Variants in IQSEC3 observed in about 807,000 individuals in gnomAD.
The protein encoded by IQSEC3 is IQ motif and Sec7 domain ArfGEF 3, also known as IQ motif and SEC7 domain-containing protein 3.
A neutral mutation model predicts 105.4 loss-of-function variants in IQSEC3; 50 were observed. The ratio of observed to expected loss-of-function variants is 0.47; its 90% CI spans 0.38 to 0.60. IQSEC3 has a LOEUF of 0.60. Among genes scored for constraint, IQSEC3 ranks in the 20% least tolerant of loss-of-function variants. The pLI, the probability that IQSEC3 is intolerant of heterozygous loss-of-function variation, is 0.00. For synonymous variants in IQSEC3, 708 were observed against 746.0 expected (o/e 0.95, Z 0.83); for missense variants, 1,415 against 1,630.0 (o/e 0.87, Z 2.27).
chr12:125,675 C>T lies in IQSEC3; in HGVS notation c.666C>T (p.Ser222=), dbSNP rs367775832. 5.0e-5 allele frequency: 77 copies of T among 1,540,200 alleles called. No individual in the cohort carries two copies. Among genetic ancestry groups the T allele is most frequent in the Non-Finnish European group, 6.2e-5 (72 of 1,154,844 alleles). The change falls in exon 3 of 14, where the codon TCC becomes TCT. Residue 222 remains serine (S), a synonymous_variant. Transcript: ENST00000538872. ...CTQAGGGMED[S]VVAAAAVAAG... ...AGGCCGGTGGGGGCATGGAGGACTCCGTGGTGGCAGCGGCGGCGGTGGCAG... is the reference window on the plus strand; with the variant it reads ...AGGCCGGTGGGGGCATGGAGGACTCTGTGGTGGCAGCGGCGGCGGTGGCAG...
intron 1 of IQSEC3, among the ~76,000 whole-genome samples, chr12:75,694 T>A (rs1397616034): frequency 6.6e-6 from 1 of 152,254 alleles, no homozygotes; most frequent in Non-Finnish European, 1.5e-5. Context: ...ACTCAACACC[T>A]AGAAGGTGCA....
chr12:70,578 T>C (rs1863275126), intron 1 of IQSEC3, among the ~76,000 whole-genome samples: 1 of 152,282 alleles, frequency 6.6e-6, no homozygotes, highest in South Asian at 2.1e-4. Flanking sequence ...GCTCACGGCA[T>C]CTACAGAATT....
At chr12:162,157 C>CT in intron 8 of IQSEC3, 92 bp downstream of exon 8, 1 of 1,404,204 alleles carries the variant, frequency 7.1e-7, no homozygotes, top group South Asian at 1.3e-5. Context: ...TTCCAAAACT[C>CT]TTTTTTCATA....
In IQSEC3 at chr12:171,127, C is replaced by T. The variant is rs782068628; in HGVS notation, c.3080C>T (p.Ala1027Val). ...GCATTCAAAGCCAAAAGGGAAGCCGCGCTCAGGGAGAGGCCGGCGGAGAGC... is the reference window on the plus strand; with the variant it reads ...GCATTCAAAGCCAAAAGGGAAGCCGTGCTCAGGGAGAGGCCGGCGGAGAGC... ...QGSPTAKREA[A>V]LRERPAESTV... The change falls in exon 13 of 14, where the codon GCG becomes GTG. Residue 1027 changes from alanine to valine, a missense_variant. By Grantham distance (64) the Ala-to-Val change is moderately conservative (BLOSUM62 0). Transcript: ENST00000538872. 18 of 1,613,946 alleles carry T rather than the reference C, an allele frequency of 1.1e-5. No homozygotes were observed. The highest frequency in any genetic ancestry group is 1.4e-5 in the Non-Finnish European group (17 of 1,179,996).
chr12:86,292 C>A (rs545066358), intron 1 of IQSEC3, among the ~76,000 whole-genome samples: 1 of 152,214 alleles, frequency 6.6e-6, no homozygotes, highest in African/African-American at 2.4e-5. Flanking sequence ...GAAGGCTGGG[C>A]AGATTCTGGA....
chr12:116,557 T>G lies in IQSEC3; in HGVS notation c.624-9076T>G, dbSNP rs186140132. Among the ~76,000 whole-genome samples, 46 of 152,296 alleles carry G rather than the reference T, an allele frequency of 3.0e-4. No homozygotes were observed. In the East Asian group the frequency reaches 5.0e-3, roughly 17 times the overall value. ...GGCTTAAGGAGTAACTCCATTTTGT[T>G]TTCTAAAAGTCTTCCTTGCTGTAAT... is the stretch of plus-strand genomic sequence containing the variant. On this transcript the variant is annotated intron_variant, in intron 2 of 13. Coordinates refer to ENST00000538872, the MANE Select transcript of IQSEC3 (RefSeq NM_001170738.2).
chr12:94,721 G>A (rs1864193291), intron 1 of IQSEC3, among the ~76,000 whole-genome samples: 1 of 152,244 alleles, frequency 6.6e-6, no homozygotes, highest in Non-Finnish European at 1.5e-5. Flanking sequence ...TCAGTGTCTG[G>A]ACAGACGAGT....
At chr12:124,732 G>C (rs1555082698) in intron 2 of IQSEC3, among the ~76,000 whole-genome samples, 1 of 152,226 alleles carries the variant, frequency 6.6e-6, no homozygotes, top group East Asian at 1.9e-4. Flanking sequence ...TCATGGAGGA[G>C]GTGGCTTAGC....
At position 169,064 on chromosome 12, in the gene IQSEC3, G is replaced by A; in HGVS notation, c.3023G>A (p.Gly1008Glu). Residue 1008 changes from glycine (G) to glutamate (E), a missense_variant, in exon 12 of 14, where the codon GGA (glycine) becomes GAA (glutamate). By Grantham distance (98) the Gly-to-Glu change is moderately conservative. Transcript: ENST00000538872. Reference sequence around the variant, plus strand: ...AAGACACTCTCCTTCAAGCCCTGCGGAGCCCAGGGGGACCCACAGTCAAAG... The same window carrying A: ...AAGACACTCTCCTTCAAGCCCTGCGAAGCCCAGGGGGACCCACAGTCAAAG... ...GTKTLSFKPCGAQGDPQSKQG... is the reference protein window; with the variant it reads ...GTKTLSFKPCEAQGDPQSKQG... 1 of 1,614,048 alleles carries A rather than the reference G, an allele frequency of 6.2e-7. No homozygotes were observed. Among genetic ancestry groups the A allele is most frequent in the African/African-American group, 1.3e-5 (1 of 75,048 alleles).
chr12:156,408 T>C (rs1866687126), intron 5 of IQSEC3, among the ~76,000 whole-genome samples: 1 of 151,796 alleles, frequency 6.6e-6, no homozygotes, highest in Admixed American at 6.5e-5. Flanking sequence ...ACATTTGTCA[T>C]TTACTCTTAG....
chr12:155,229 T>TC lies in IQSEC3; in HGVS notation c.2154-1792dup, dbSNP rs200176049. On this transcript the variant is annotated intron_variant, in intron 5 of 13. Transcript: ENST00000538872. ...CCTGGCTGGCTCTGGAGGCCCCTGT[T>TC]CCCCAGCCGTCAGCTCAACCTCAAA... Among the ~76,000 whole-genome samples, 889 of 152,274 alleles carry TC rather than the reference T, an allele frequency of 5.8e-3. 7 individuals are homozygous for TC. The highest frequency in any genetic ancestry group is 0.051 in the Middle Eastern group (15 of 294).
intron 1 of IQSEC3, among the ~76,000 whole-genome samples, chr12:72,470 G>A (rs1863356914): frequency 7.1e-6 from 1 of 140,462 alleles, no homozygotes; most frequent in African/African-American, 2.5e-5. Context: ...TTTCACTGGA[G>A]CCTAAGCATA....
intron 1 of IQSEC3, among the ~76,000 whole-genome samples, chr12:93,288 C>A (rs1864148714): frequency 6.6e-6 from 1 of 152,168 alleles, no homozygotes; most frequent in African/African-American, 2.4e-5. Flanking sequence ...GGTAAGAAAG[C>A]CTTACTCTGG....
intron 1 of IQSEC3, among the ~76,000 whole-genome samples, chr12:92,995 G>A (rs1299674241): frequency 6.6e-6 from 1 of 152,230 alleles, no homozygotes; most frequent in Non-Finnish European, 1.5e-5. Flanking sequence ...GCTGGGTCAG[G>A]AAGGTGAATG....
rs369980320 is a variant in IQSEC3, at chr12:76,379, C to T, written c.554+8943C>T. Among the ~76,000 whole-genome samples, 20 of 152,348 alleles carry T rather than the reference C, an allele frequency of 1.3e-4. No homozygotes were observed. The South Asian group carries it at 1.4e-3, about 11-fold the overall frequency. On this transcript the variant is annotated intron_variant, in intron 1 of 13. Transcript: ENST00000538872. ...AGGCGTTTGTGGACCTGAGTGGGCA[C>T]GACTGCGTGGGCAACTGTGTGTTAC...
chr12:162,305 G>C (rs1866929540), intron 8 of IQSEC3, among the ~76,000 whole-genome samples: 1 of 152,052 alleles, frequency 6.6e-6, no homozygotes, highest in Admixed American at 6.5e-5. Context: ...TGTCAGGAAG[G>C]ACTGCCCAGT....
At chr12:148,877 C>T (rs1866391837) in intron 5 of IQSEC3, 1 of 152,044 alleles carries the variant, frequency 6.6e-6, no homozygotes, top group African/African-American at 2.4e-5. Flanking sequence ...AAAATCCCTG[C>T]TGCTACCATT....
chr12:125,538 A>G, intron 2 of IQSEC3, 95 bp from the exon 3 acceptor site: 3 of 1,270,778 alleles, frequency 2.4e-6, no homozygotes, highest in Non-Finnish European at 3.1e-6. Flanking sequence ...CAGGAAAGGC[A>G]GGCCAGAGTG....
rs372645591 is a variant in IQSEC3 at position 174,767 on chromosome 12, C to G, written c.3283C>G (p.Gln1095Glu). 3.8e-6 allele frequency: 6 copies of G among 1,590,694 alleles called. No homozygotes were observed. In the East Asian group the frequency reaches 6.7e-5, roughly 18 times the overall value. The change falls in exon 14 of 14, where the codon CAA becomes GAA. Residue 1095 changes from glutamine (Q) to glutamate (E), a missense_variant. This residue lies in a region of IQSEC3 where 419 missense variants were observed against 436.2 expected (regional missense o/e 0.96). Coordinates refer to ENST00000538872, the MANE Select transcript of IQSEC3 (RefSeq NM_001170738.2). The stretch of plus-strand genomic sequence containing the variant: ...CCCGGGCACCCTGGTGCAGTGCCAG[C>G]AAATTGTCAAGGTCATTGTCCTGGA... ...TPPGTLVQCQQIVKVIVLDKP... is the reference protein window; with the variant it reads ...TPPGTLVQCQEIVKVIVLDKP...
Sources: allele counts gnomAD v4.1 joint callset (sites outside exome capture counted in the v4.1 genomes callset), GRCh38; gene constraint gnomAD v4.1.1; regional missense constraint gnomAD v4.1.1; transcripts MANE v1.5; gene names NCBI Gene and HGNC (gene_info 2026-07-23, HGNC 2026-07-21).